The following ANTXR1 variants were observed in gnomAD, a reference collection of about 807,000 sequenced individuals.
ANTXR1 encodes ANTXR cell adhesion molecule 1.
A neutral mutation model predicts 78.1 loss-of-function variants in ANTXR1; 19 were observed. The ratio of observed to expected loss-of-function variants is 0.24; its 90% confidence interval spans 0.17 to 0.36. The LOEUF is 0.36. Ranked by LOEUF, ANTXR1 falls within the 10% of genes least tolerant of loss-of-function variation. The probability of loss-of-function intolerance (pLI) is 1.00; values close to 1 mark genes in which losing one functional copy is unlikely to be tolerated. For synonymous variants in ANTXR1, 273 were observed against 260.5 expected (o/e 1.05, Z -0.46); for missense variants, 518 against 718.6 (o/e 0.72, Z 3.19).
chr2:69,139,904 A>T (rs1002269605), intron 12 of ANTXR1, among the ~76,000 whole-genome samples: 1 of 152,218 alleles, frequency 6.6e-6, no homozygotes, highest in Non-Finnish European at 1.5e-5. Flanking sequence ...CAGTGTCATA[A>T]TATTTGAGCA....
intron 13 of ANTXR1, among the ~76,000 whole-genome samples, chr2:69,165,120 T>C (rs959601202): frequency 6.6e-6 from 1 of 152,242 alleles, no homozygotes; most frequent in African/African-American, 2.4e-5. Flanking sequence ...CAGAAAGCTG[T>C]GTTTTAAGAA....
At chr2:69,028,135 A>T (rs970964242) in intron 1 of ANTXR1, among the ~76,000 whole-genome samples, 1 of 152,224 alleles carries the variant, frequency 6.6e-6, no homozygotes, top group Non-Finnish European at 1.5e-5. Context: ...AGGACCAAAT[A>T]ACTTTTCATT....
At chr2:69,118,203 G>C (rs563941704) in intron 10 of ANTXR1, among the ~76,000 whole-genome samples, 41 of 146,862 alleles carry the variant, frequency 2.8e-4, no homozygotes, top group African/African-American at 9.5e-4. Flanking sequence ...TTGAGCCCAG[G>C]AGTTCCAGAG....
chr2:69,226,042 C>T (rs997526596), intron 17 of ANTXR1, among the ~76,000 whole-genome samples: 1 of 152,194 alleles, frequency 6.6e-6, no homozygotes, highest in Admixed American at 6.5e-5. Flanking sequence ...TGTGTCCCCA[C>T]ACTGCCTCTC....
intron 9 of ANTXR1, among the ~76,000 whole-genome samples, chr2:69,096,278 A>AAGGG (rs1179618603): frequency 1.0e-4 from 1 of 9,808 alleles, no homozygotes; most frequent in Non-Finnish European, 1.5e-4. Flanking sequence ...GGAAGGAAGG[A>AAGGG]AGGAAGGAAG....
chr2:69,013,723 G>A lies in ANTXR1; in HGVS notation c.152+72G>A, dbSNP rs1266728211. The A allele has an allele frequency of 1.3e-6, 2 of 1,550,112 alleles. No individual in the cohort carries two copies. Among genetic ancestry groups the A allele is most frequent in the Non-Finnish European group, 1.7e-6 (2 of 1,146,140 alleles). On this transcript the variant is annotated intron_variant, in intron 1 of 17. Coordinates refer to ENST00000303714, the MANE Select transcript of ANTXR1 (RefSeq NM_032208.3). The surrounding 1 kb of genome is among the most constrained non-coding windows in gnomAD (Gnocchi z 5.0). ...AACGCTTTCGCCCCGGGCCGGGCTC[G>A]TTGGCAGGGTCGCCTGGGGACAGGA...
intron 4 of ANTXR1, 102 bp from the exon 5 acceptor site, chr2:69,071,652 T>G: frequency 8.7e-7 from 1 of 1,146,052 alleles, no homozygotes. Context: ...GAATCAAGAC[T>G]GAATTGGCTG....
chr2:69,185,646 T>A (rs1216151749), intron 16 of ANTXR1, among the ~76,000 whole-genome samples: 1 of 152,000 alleles, frequency 6.6e-6, no homozygotes, highest in Non-Finnish European at 1.5e-5. Flanking sequence ...GTGCCTGGAT[T>A]GTTAAAATAG....
At chr2:69,034,139 T>C (rs919657629) in intron 1 of ANTXR1, among the ~76,000 whole-genome samples, 1 of 152,358 alleles carries the variant, frequency 6.6e-6, no homozygotes, top group African/African-American at 2.4e-5. Context: ...CAAAAATTTC[T>C]TGACTTCTTA....
rs369231345 is a variant in ANTXR1, at chr2:69,013,484, C to T, written c.-16C>T. ...CGTGGGAAGGAGCGGACCCTGCTCT[C>T]CCCGGGCTGCGGGCCATGGCCACGG... On this transcript the variant is annotated 5_prime_UTR_variant, in exon 1 of 18. Coordinates refer to ENST00000303714, the MANE Select transcript of ANTXR1 (RefSeq NM_032208.3). The surrounding 1 kb of genome is among the most constrained non-coding windows in gnomAD (Gnocchi z 5.0). 38 of 1,586,240 alleles carry T rather than the reference C, an allele frequency of 2.4e-5. 1 individual carries two copies. In the African/African-American group the frequency reaches 5.1e-4, roughly 21 times the overall value.
intron 3 of ANTXR1, among the ~76,000 whole-genome samples, chr2:69,063,351 G>T (rs558774182): frequency 2.2e-4 from 34 of 151,958 alleles, no homozygotes; most frequent in Admixed American, 8.5e-4. Flanking sequence ...AAAAAAAAAT[G>T]CAATCCAGAG....
intron 12 of ANTXR1, among the ~76,000 whole-genome samples, chr2:69,141,326 C>A (rs1368605558): frequency 6.6e-6 from 1 of 152,172 alleles, no homozygotes; most frequent in Non-Finnish European, 1.5e-5. Context: ...ATCACAGAAC[C>A]AATCTGGGAA....
chr2:69,196,890 C>T (rs1244560559), intron 17 of ANTXR1, among the ~76,000 whole-genome samples: 2 of 152,216 alleles, frequency 1.3e-5, no homozygotes, highest in Non-Finnish European at 2.9e-5. Flanking sequence ...CCACCCCAGC[C>T]CTCCAGATGC....
At chr2:69,199,668 G>T (rs1052955217) in intron 17 of ANTXR1, among the ~76,000 whole-genome samples, 1 of 152,110 alleles carries the variant, frequency 6.6e-6, no homozygotes, top group East Asian at 1.9e-4. Context: ...CCCCCCTAAA[G>T]GTTCTGTTTA....
At chr2:69,160,784 G>A (rs1276018682) in intron 13 of ANTXR1, among the ~76,000 whole-genome samples, 2 of 152,086 alleles carry the variant, frequency 1.3e-5, no homozygotes, top group Non-Finnish European at 2.9e-5. Context: ...AATTTATTTT[G>A]ACCCTAGAAC....
At chr2:69,074,981 TGTA>T (rs199883331) in intron 6 of ANTXR1, among the ~76,000 whole-genome samples, 1,701 of 152,300 alleles carry the variant, frequency 0.011, 33 homozygotes, top group African/African-American at 0.039. Flanking sequence ...AATGCTTAAT[TGTA>T]GAGATCATGG....
At chr2:69,059,932 G>A (rs1342405303) in intron 3 of ANTXR1, among the ~76,000 whole-genome samples, 2 of 152,162 alleles carry the variant, frequency 1.3e-5, no homozygotes, top group Non-Finnish European at 2.9e-5. Context: ...ACCACATGGT[G>A]AAATTACTGC....
At chr2:69,098,768 T>G (rs1450610667) in intron 9 of ANTXR1, among the ~76,000 whole-genome samples, 2 of 152,164 alleles carry the variant, frequency 1.3e-5, no homozygotes, top group Non-Finnish European at 2.9e-5. Flanking sequence ...GGTGGATCAC[T>G]TGAGGTCAGG....
At position 69,247,687 on chromosome 2, in the gene ANTXR1, T is replaced by C. The variant is rs1467826532; in HGVS notation, c.*2202T>C. ...TCCCCAGGCTCACAGTGTAGAGACA[T>C]TGAGCCCATCACAACTGTTTTGACT... On this transcript the variant is annotated 3_prime_UTR_variant, in exon 18 of 18. Coordinates refer to ENST00000303714, the MANE Select transcript of ANTXR1 (RefSeq NM_032208.3). The C allele has an allele frequency of 1.3e-5, 2 of 152,316 alleles. No individual in the cohort carries two copies. The highest frequency in any genetic ancestry group is 1.3e-4 in the Admixed American group (2 of 15,254). The allele number at this position is 152,316 out of a possible 1,614,324, so 9.4% of individuals were successfully genotyped here. A position where few individuals can be genotyped will look rare whatever the true frequency, so the allele number is the denominator to read the frequency against.
Sources: gnomAD v4.1 joint callset for allele counts (sites outside exome capture counted in the v4.1 genomes callset) on GRCh38, gnomAD v4.1.1 for gene constraint, Gnocchi (gnomAD v3.1) non-coding constraint, MANE v1.5 for transcripts, NCBI Gene and HGNC (gene_info 2026-07-23, HGNC 2026-07-21) for gene names.